RADIL: variants seen among roughly 807,000 people sequenced by gnomAD.
The protein encoded by RADIL is ras-associating and dilute domain-containing protein.
RADIL carries 99 observed loss-of-function variants against 97.6 expected under a neutral mutation model. The ratio of observed to expected loss-of-function variants is 1.01; its 90% CI spans 0.86 to 1.20. The LOEUF is 1.20. Ranked by LOEUF, RADIL falls within the 50% of genes most tolerant of loss-of-function variation. The pLI is 0.00. For missense variants in RADIL, 1,765 were observed against 1,498.9 expected, an observed-to-expected ratio of 1.18 and a Z score of -2.93; for synonymous variants, 803 against 691.8, an observed-to-expected ratio of 1.16 and a Z score of -2.52.
intron 2 of RADIL, chr7:4,860,891 G>A: frequency 3.1e-6 from 5 of 1,614,150 alleles, no homozygotes; most frequent in Non-Finnish European, 4.2e-6. Context: ...CCTATCACTG[G>A]GATTTACTCT....
chr7:4,877,839 C>T lies in RADIL; in HGVS notation c.301G>A (p.Ala101Thr), dbSNP rs751170021. Residue 101 changes from alanine to threonine, a missense_variant, in exon 2 of 15, where the codon GCC (alanine) becomes ACC (threonine). By Grantham distance (58) the Ala-to-Thr change is moderately conservative (BLOSUM62 0). Transcript: ENST00000399583. ...ELVKEALERY[A>T]LDPRQAGQYV... ...TGGCCGGCCTGCCTGGGGTCCAGGG[C>T]GTACCGCTCCAGCGCCTCCTTCACC... is the stretch of plus-strand genomic sequence containing the variant. 9.3e-6 allele frequency: 15 copies of T among 1,606,964 alleles called. No individual in the cohort carries two copies. The highest frequency in any genetic ancestry group is 6.7e-5 in the East Asian group (3 of 44,890).
intron 2 of RADIL, among the ~76,000 whole-genome samples, chr7:4,855,192 T>G (rs1783796890): frequency 6.6e-6 from 1 of 152,322 alleles, no homozygotes; most frequent in South Asian, 2.1e-4. Flanking sequence ...GTGGATTGTT[T>G]GGAACTTTCG....
intron 2 of RADIL, chr7:4,858,517 T>C (rs1783891094): frequency 6.6e-6 from 1 of 152,648 alleles, no homozygotes; most frequent in Non-Finnish European, 1.5e-5. Flanking sequence ...TTTATGTTTC[T>C]ACATGTAAAA....
chr7:4,875,741 A>G (rs1445690176), intron 2 of RADIL, among the ~76,000 whole-genome samples: 1 of 152,088 alleles, frequency 6.6e-6, no homozygotes, highest in Non-Finnish European at 1.5e-5. Flanking sequence ...ACATCCCACC[A>G]TGCGCCTCCT....
Position 4,805,404 on chromosome 7 carries a change from C to CA in RADIL, c.2290+161_2290+162insT, listed in dbSNP as rs1384167128. ...CCGGATCCCCAGGTTGGGGATGGGG[C>CA]GGGGCGGGGGGGTCCTCTGGGTGGA... On this transcript the variant is annotated intron_variant, in intron 10 of 14. Transcript: ENST00000399583. The CA allele has an allele frequency of 7.8e-6, 6 of 771,018 alleles. No individual in the cohort carries two copies. In the African/African-American group the frequency reaches 1.3e-4, roughly 17 times the overall value. The allele number at this position is 771,018 out of a possible 1,614,324, so 47.8% of individuals were successfully genotyped here. A position where few individuals can be genotyped will look rare whatever the true frequency, so the allele number is the denominator to read the frequency against.
rs991158552 is a variant in RADIL, at chr7:4,867,979, A to G, written c.535+9626T>C. ...GTGAGACGGCTGTCCTGCATTAGGC[A>G]TTCGGTCATGGCTGCAGGCCAGAGT... is the stretch of plus-strand genomic sequence containing the variant. On this transcript the variant is annotated intron_variant, in intron 2 of 14. Coordinates refer to ENST00000399583, the MANE Select transcript of RADIL (RefSeq NM_018059.5). The surrounding 1 kb of genome is among the most constrained non-coding windows in gnomAD (Gnocchi z 4.1). Among the ~76,000 whole-genome samples, 3 of 152,220 alleles carry G rather than the reference A, an allele frequency of 2.0e-5. No individual in the cohort carries two copies. The highest frequency in any genetic ancestry group is 7.2e-5 in the African/African-American group (3 of 41,462).
Position 4,872,416 on chromosome 7 carries a change from A to T in RADIL, c.535+5189T>A, listed in dbSNP as rs1784276927. Among the ~76,000 whole-genome samples the T allele has an allele frequency of 6.6e-6, 1 of 152,000 alleles. No homozygotes were observed. Among genetic ancestry groups the T allele is most frequent in the Admixed American group, 6.5e-5 (1 of 15,272 alleles). The stretch of plus-strand genomic sequence containing the variant: ...TCCCCGGGCTCTGCGCGGGTTTAAC[A>T]CTTACCCCTCCTGCAAAGGCAAACC... On this transcript the variant is annotated intron_variant, in intron 2 of 14. Transcript: ENST00000399583. This position sits in a 1 kb window ranked among gnomAD's most constrained non-coding sequence, Gnocchi z 5.8.
At chr7:4,875,903 C>T (rs1303045619) in intron 2 of RADIL, among the ~76,000 whole-genome samples, 1 of 152,084 alleles carries the variant, frequency 6.6e-6, no homozygotes, top group Non-Finnish European at 1.5e-5. Context: ...AAGTGGCGAC[C>T]TCTGGGTGGA....
intron 1 of RADIL, among the ~76,000 whole-genome samples, chr7:4,882,404 G>A (rs987631772): frequency 9.9e-5 from 15 of 152,218 alleles, no homozygotes; most frequent in African/African-American, 3.6e-4. Context: ...GAAAGCGCAG[G>A]GCTCGGACAG....
In RADIL at chr7:4,801,991, A is replaced by T; in HGVS notation, c.2504T>A (p.Met835Lys). The change falls in exon 12 of 15, where the codon ATG (methionine) becomes AAG (lysine). Residue 835 changes from methionine to lysine, a missense_variant. Transcript: ENST00000399583. ...GTGCCCGTCAAGGACCACGTGGTGCATACCCTAGGGAGAGGAAGGGTGACA... is the reference window on the plus strand; with the variant it reads ...GTGCCCGTCAAGGACCACGTGGTGCTTACCCTAGGGAGAGGAAGGGTGACA... ...GASQPVCPEG[M>K]HHVVLDGHLE... is the part of the protein sequence containing the mutation. The T allele has an allele frequency of 6.6e-7, 1 of 1,525,364 alleles. No homozygotes were observed. The highest frequency in any genetic ancestry group is 1.4e-5 in the African/African-American group (1 of 71,956). The allele number at this position is 1,525,364 out of a possible 1,614,324, so 94.5% of individuals were successfully genotyped here.
At chr7:4,809,386 C>T (rs960783688) in intron 9 of RADIL, 10 of 985,250 alleles carry the variant, frequency 1.0e-5, no homozygotes, top group African/African-American at 1.7e-5. Flanking sequence ...CGGGGGGAGG[C>T]GGAGATCCTG....
chr7:4,826,899 G>A (rs1782998340), intron 5 of RADIL, among the ~76,000 whole-genome samples: 1 of 152,158 alleles, frequency 6.6e-6, no homozygotes, highest in Admixed American at 6.5e-5. Flanking sequence ...AGATAAGACA[G>A]GTGAACAAAC....
At position 4,879,335 on chromosome 7, in the gene RADIL, G is replaced by A. The variant is rs904207600; in HGVS notation, c.-64-1132C>T. 6.6e-6 allele frequency among the ~76,000 whole-genome samples: 1 copy of A among 152,350 alleles called. No individual in the cohort carries two copies. The highest frequency in any genetic ancestry group is 6.5e-5 in the Admixed American group (1 of 15,312). On this transcript the variant is annotated intron_variant, in intron 1 of 14. Coordinates refer to ENST00000399583, the MANE Select transcript of RADIL (RefSeq NM_018059.5). The surrounding 1 kb of genome is among the most constrained non-coding windows in gnomAD (Gnocchi z 4.1). ...GTCTCCCTCCAGAACCTCTGTGGGG[G>A]CAGGAGGGCAGAGAAAAAGGAAGGC...
chr7:4,803,982 G>T (rs1424542911), intron 10 of RADIL: 1 of 622,544 alleles, frequency 1.6e-6, no homozygotes, highest in Non-Finnish European at 3.0e-6. Context: ...AGCAGTTCAG[G>T]ACTGAGAACA....
intron 2 of RADIL, among the ~76,000 whole-genome samples, chr7:4,839,848 G>C (rs1214526873): frequency 4.6e-5 from 7 of 152,128 alleles, no homozygotes; most frequent in African/African-American, 1.7e-4. Context: ...CTGGGTTCGA[G>C]TGATTTTCCT....
rs1227186778 is a variant in RADIL at position 4,802,317 on chromosome 7, G to C, written c.2500-322C>G. 3.4e-5 allele frequency among the ~76,000 whole-genome samples: 5 copies of C among 148,854 alleles called. 1 individual carries two copies. The highest frequency in any genetic ancestry group is 1.3e-4 in the African/African-American group (5 of 39,306). ...GGGGGCCCCCTCCCCAGGTACCTCG[G>C]GGCATGCTGGCTGGGCCCCCTCCCC... On this transcript the variant is annotated intron_variant, in intron 11 of 14. Transcript: ENST00000399583.
At chr7:4,844,833 T>G (rs1783530343) in intron 2 of RADIL, among the ~76,000 whole-genome samples, 1 of 152,042 alleles carries the variant, frequency 6.6e-6, no homozygotes, top group Non-Finnish European at 1.5e-5. Context: ...CAAACTCCTG[T>G]GCTCAGGCAA....
intron 5 of RADIL, 125 bp downstream of exon 5, chr7:4,832,016 G>A: frequency 2.0e-6 from 2 of 995,142 alleles, no homozygotes; most frequent in East Asian, 2.6e-5. Context: ...TGCTTGGATG[G>A]AAGGACAAAG....
rs936818391 is a variant in RADIL at position 4,821,717 on chromosome 7, G to A, written c.1615+677C>T. ...CCAAAAATACAAAAACTAGCCGGGC[G>A]AGGTGGCATGCTCCTGTAATCCCAG... On this transcript the variant is annotated intron_variant, in intron 6 of 14. Transcript: ENST00000399583. This position sits in a 1 kb window ranked among gnomAD's most constrained non-coding sequence, Gnocchi z 5.2. 6.6e-6 allele frequency among the ~76,000 whole-genome samples: 1 copy of A among 152,038 alleles called. No individual in the cohort carries two copies. Among genetic ancestry groups the A allele is most frequent in the Non-Finnish European group, 1.5e-5 (1 of 68,014 alleles).
Sources: allele counts gnomAD v4.1 joint callset (sites outside exome capture counted in the v4.1 genomes callset), GRCh38; gene constraint gnomAD v4.1.1; non-coding constraint Gnocchi (gnomAD v3.1); transcripts MANE v1.5; gene names NCBI Gene and HGNC (gene_info 2026-07-23, HGNC 2026-07-21).